SSH1: variants seen among roughly 807,000 people sequenced by gnomAD.
SSH1 encodes protein phosphatase Slingshot homolog 1.
A neutral mutation model predicts 79.7 loss-of-function variants in SSH1; 43 were observed. That is an observed-to-expected ratio of 0.54 (90% CI 0.42 to 0.70). The LOEUF (loss-of-function observed/expected upper bound fraction) is 0.70, where lower values mean the gene tolerates loss of function less well. Among genes scored for constraint, SSH1 ranks in the 30% least tolerant of loss-of-function variants. The pLI is 0.00. For missense variants in SSH1, 1,206 were observed against 1,358.8 expected (o/e 0.89, Z 1.77); for synonymous variants, 599 against 538.3 (o/e 1.11, Z -1.56).
In SSH1 at chr12:108,788,201, AAG is replaced by A. The variant is rs1416544921; in HGVS notation, c.2935_2936del (p.Leu979CysfsTer16). 6.2e-7 allele frequency: 1 copy of A among 1,613,972 alleles called. No homozygotes were observed. Among genetic ancestry groups the A allele is most frequent in the Non-Finnish European group, 8.5e-7 (1 of 1,179,996 alleles). On this transcript the variant is annotated frameshift_variant, in exon 15 of 15. Coordinates refer to ENST00000326495, the MANE Select transcript of SSH1 (RefSeq NM_018984.4). LOFTEE classifies it low-confidence loss of function (END_TRUNC). Reference protein sequence around the residue: ...VSSPLKRSHSLAKLGSLTFST... With the variant: ...VSSPLKRSHSXAKLGSLTFST... ...AGAAGGTGAGACTCCCCAGCTTGGC[AAG>A]AGAGTGTGAGCGCTTCAGTGGGGAA...
In SSH1 at chr12:108,806,333, T is replaced by A; in HGVS notation, c.793A>T (p.Ser265Cys). 1 of 1,614,160 alleles carries A rather than the reference T, an allele frequency of 6.2e-7. No individual in the cohort carries two copies. Among genetic ancestry groups the A allele is most frequent in the Non-Finnish European group, 8.5e-7 (1 of 1,180,022 alleles). Reference protein sequence around the residue: ...IKAKLRSIMMSQDLENVTSKE... With the variant: ...IKAKLRSIMMCQDLENVTSKE... ...GAAGTCACATTTTCTAGATCCTGGC[T>A]CATCATGATGCTTCGGAGCTTGGCT... Residue 265 changes from serine (S) to cysteine (C), a missense_variant, in exon 9 of 15, where the codon AGC (serine) becomes TGC (cysteine). Ser to Cys is a moderately radical substitution (Grantham distance 112, BLOSUM62 -1). Transcript: ENST00000326495.
In SSH1 at chr12:108,788,824, C is replaced by T; in HGVS notation, c.2314G>A (p.Val772Ile). ...CDKNPPSTEV[V>I]IKEESSPKKD... is the part of the protein sequence containing the mutation. ...TTGGGTGACGATTCTTCCTTTATTACCACTTCTGTGCTGGGAGGGTTCTTA... is the reference window on the plus strand; with the variant it reads ...TTGGGTGACGATTCTTCCTTTATTATCACTTCTGTGCTGGGAGGGTTCTTA... Residue 772 changes from valine (V) to isoleucine (I), a missense_variant, in exon 15 of 15, where the codon GTA becomes ATA. By Grantham distance (29) the Val-to-Ile change is conservative. Around this residue, in one of 5 missense-constraint regions of SSH1, gnomAD observed 709 missense variants for 730.6 expected, o/e 0.97. Coordinates refer to ENST00000326495, the MANE Select transcript of SSH1 (RefSeq NM_018984.4). 1 of 1,614,226 alleles carries T rather than the reference C, an allele frequency of 6.2e-7. No individual in the cohort carries two copies. Among genetic ancestry groups the T allele is most frequent in the Non-Finnish European group, 8.5e-7 (1 of 1,180,040 alleles).
chr12:108,844,269 G>GAA (rs751737297), intron 2 of SSH1, among the ~76,000 whole-genome samples: 1 of 145,290 alleles, frequency 6.9e-6, no homozygotes, highest in East Asian at 2.0e-4. Context: ...CAAAATCATA[G>GAA]AAAAAAAAAA....
intron 2 of SSH1, among the ~76,000 whole-genome samples, chr12:108,851,731 T>A (rs1409849410): frequency 6.6e-6 from 1 of 152,218 alleles, no homozygotes; most frequent in Non-Finnish European, 1.5e-5. Flanking sequence ...AGATTTCTCA[T>A]AAGCACAATT....
intron 9 of SSH1, among the ~76,000 whole-genome samples, chr12:108,805,649 A>C (rs1196797630): frequency 2.0e-5 from 3 of 151,966 alleles, no homozygotes; most frequent in Non-Finnish European, 4.4e-5. Context: ...GCTTGAGGCC[A>C]GGAGTTCAAG....
chr12:108,789,978 G>A (rs1407471790), intron 14 of SSH1, among the ~76,000 whole-genome samples: 1 of 151,794 alleles, frequency 6.6e-6, no homozygotes, highest in African/African-American at 2.4e-5. Flanking sequence ...ACAGGTGTGA[G>A]CGACTACACC....
intron 1 of SSH1, among the ~76,000 whole-genome samples, chr12:108,854,312 A>G (rs1433491448): frequency 6.6e-6 from 1 of 152,196 alleles, no homozygotes; most frequent in East Asian, 1.9e-4. Context: ...TCCAATCCAA[A>G]AAAGTGCCTG....
At position 108,828,527 on chromosome 12, in the gene SSH1, G is replaced by A. The variant is rs117089373; in HGVS notation, c.111-5166C>T. ...TAAGGCACTGAGAAGTCAGAATGTG[G>A]ATCACATCTTCCGTCCTTCTTCCCA... On this transcript the variant is annotated intron_variant, in intron 2 of 14. Coordinates refer to ENST00000326495, the MANE Select transcript of SSH1 (RefSeq NM_018984.4). 5.9e-5 allele frequency among the ~76,000 whole-genome samples: 9 copies of A among 152,318 alleles called. No individual in the cohort carries two copies. In the East Asian group the frequency reaches 1.7e-3, roughly 29 times the overall value.
chr12:108,840,338 C>T (rs1244665021), intron 2 of SSH1, among the ~76,000 whole-genome samples: 1 of 152,028 alleles, frequency 6.6e-6, no homozygotes, highest in Non-Finnish European at 1.5e-5. Context: ...TCAAGACCAG[C>T]CTGGCCAACA....
intron 14 of SSH1, 131 bp downstream of exon 14, chr12:108,792,155 A>G (rs1170768890): frequency 2.0e-6 from 3 of 1,530,418 alleles, no homozygotes; most frequent in Non-Finnish European, 2.6e-6. Context: ...GGCCCAGAGG[A>G]GACAATAGAA....
At chr12:108,835,588 G>C (rs1268620327) in intron 2 of SSH1, among the ~76,000 whole-genome samples, 2 of 152,088 alleles carry the variant, frequency 1.3e-5, no homozygotes, top group African/African-American at 4.8e-5. Flanking sequence ...CAGCTGAACT[G>C]ATACCTCTGG....
intron 3 of SSH1, among the ~76,000 whole-genome samples, chr12:108,822,549 C>T (rs1400636216): frequency 2.0e-5 from 3 of 152,212 alleles, no homozygotes; most frequent in South Asian, 2.1e-4. Flanking sequence ...TGGGCTCAAG[C>T]GATCCTCCCA....
intron 2 of SSH1, chr12:108,836,833 GTGA>G: frequency 2.0e-6 from 1 of 501,024 alleles, no homozygotes. Flanking sequence ...CATCCCTTGG[GTGA>G]TGTTCCAGCC....
At chr12:108,835,694 G>C (rs1341383640) in intron 2 of SSH1, among the ~76,000 whole-genome samples, 2 of 151,906 alleles carry the variant, frequency 1.3e-5, no homozygotes, top group African/African-American at 2.4e-5. Flanking sequence ...AGTTGGGGAG[G>C]GGGTGTGGGA....
chr12:108,778,256 C>G lies in SSH1; in HGVS notation c.*9732G>C, dbSNP rs114250893. Reference sequence around the variant, plus strand: ...AGTACTTGCCCACAAGTTAAACAAACGCACGCATAAGTCCACAGGGGCTCC... The same window carrying G: ...AGTACTTGCCCACAAGTTAAACAAAGGCACGCATAAGTCCACAGGGGCTCC... On this transcript the variant is annotated 3_prime_UTR_variant, in exon 15 of 15. Transcript: ENST00000326495. 2 of 152,224 alleles carry G rather than the reference C, an allele frequency of 1.3e-5. No individual in the cohort carries two copies. Among genetic ancestry groups the G allele is most frequent in the East Asian group, 1.9e-4 (1 of 5,204 alleles). 9.4% of individuals were successfully genotyped at this position (152,224 alleles called of 1,614,324 possible).
chr12:108,857,310 G>T lies in SSH1; in HGVS notation c.69+118C>A. ...CCGGCTGCCCGGCTCTGTTCCTACGGCGGGGCCCCGAGGAGCCCGCGCAGC... is the reference window on the plus strand; with the variant it reads ...CCGGCTGCCCGGCTCTGTTCCTACGTCGGGGCCCCGAGGAGCCCGCGCAGC... On this transcript the variant is annotated intron_variant, in intron 1 of 14. Transcript: ENST00000326495. The surrounding 1 kb of genome is among the most constrained non-coding windows in gnomAD (Gnocchi z 4.7). The T allele has an allele frequency of 2.1e-6, 1 of 473,928 alleles. No homozygotes were observed. Among genetic ancestry groups the T allele is most frequent in the Non-Finnish European group, 2.8e-6 (1 of 362,596 alleles). 29.4% of individuals were successfully genotyped at this position (473,928 alleles called of 1,614,324 possible). A position where few individuals can be genotyped will look rare whatever the true frequency, so the allele number is the denominator to read the frequency against.
intron 2 of SSH1, among the ~76,000 whole-genome samples, chr12:108,824,482 A>G (rs1487385909): frequency 6.6e-6 from 1 of 151,974 alleles, no homozygotes; most frequent in African/African-American, 2.4e-5. Context: ...GAAAGAAAGA[A>G]AGAAAAAAGT....
Position 108,783,369 on chromosome 12 carries a change from A to AT in SSH1, c.*4618dup. On this transcript the variant is annotated 3_prime_UTR_variant, in exon 15 of 15. Coordinates refer to ENST00000326495, the MANE Select transcript of SSH1 (RefSeq NM_018984.4). ...TACTGACAAGACCAAGTATCCAATC[A>AT]TAACAGATGAGACTTTAACAGTTTT... 6.6e-6 allele frequency: 1 copy of AT among 152,294 alleles called. No homozygotes were observed. The highest frequency in any genetic ancestry group is 1.5e-5 in the Non-Finnish European group (1 of 68,060). 9.4% of individuals were successfully genotyped at this position (152,294 alleles called of 1,614,324 possible). A position where few individuals can be genotyped will look rare whatever the true frequency, so the allele number is the denominator to read the frequency against.
At chr12:108,814,856 C>T (rs1006938954) in intron 5 of SSH1, among the ~76,000 whole-genome samples, 2 of 152,172 alleles carry the variant, frequency 1.3e-5, no homozygotes, top group African/African-American at 4.8e-5. Flanking sequence ...GAAGGAAGAG[C>T]GCCATGGGGG....
Sources: allele counts gnomAD v4.1 joint callset (sites outside exome capture counted in the v4.1 genomes callset), GRCh38; gene constraint gnomAD v4.1.1; regional missense constraint gnomAD v4.1.1; non-coding constraint Gnocchi (gnomAD v3.1); transcripts MANE v1.5; gene names NCBI Gene and HGNC (gene_info 2026-07-23, HGNC 2026-07-21).